Variants in RAF1 observed in about 807,000 individuals in gnomAD.
The protein encoded by RAF1 is Raf-1 proto-oncogene, serine/threonine kinase.
A neutral mutation model predicts 81.1 loss-of-function variants in RAF1; 27 were observed. The observed-to-expected ratio is 0.33, with a 90% CI of 0.25 to 0.46. The LOEUF (loss-of-function observed/expected upper bound fraction) is 0.46. Among genes scored for constraint, RAF1 ranks in the 20% least tolerant of loss-of-function variants. RAF1 has a pLI of 1.00. For synonymous variants in RAF1, 298 were observed against 294.0 expected (o/e 1.01, Z -0.14); for missense variants, 598 against 826.0 (o/e 0.72, Z 3.38).
At chr3:12,636,903 T>A (rs904288914) in intron 1 of RAF1, among the ~76,000 whole-genome samples, 2 of 152,224 alleles carry the variant, frequency 1.3e-5, no homozygotes, top group Non-Finnish European at 2.9e-5. Context: ...GAGACTATAC[T>A]GAACACTTTT....
chr3:12,610,316 A>G (rs1263110183), intron 3 of RAF1, among the ~76,000 whole-genome samples: 3 of 152,228 alleles, frequency 2.0e-5, no homozygotes, highest in African/African-American at 7.2e-5. Flanking sequence ...ATTCCTTAAT[A>G]TAATTACCTA....
Position 12,657,509 on chromosome 3 carries a change from A to G in RAF1, c.-27+6304T>C, listed in dbSNP as rs147102881. On this transcript the variant is annotated intron_variant, in intron 1 of 17. Transcript: ENST00000442415. ...GCAGGGGCCAGGCGCAGTGGCTCAC[A>G]CCTGTAAATCCCAGCACTTTGGGAG... is the stretch of plus-strand genomic sequence containing the variant. 4.7e-3 allele frequency among the ~76,000 whole-genome samples: 718 copies of G among 152,278 alleles called. 8 individuals carry two copies. The highest frequency in any genetic ancestry group is 0.016 in the African/African-American group (666 of 41,566).
intron 1 of RAF1, among the ~76,000 whole-genome samples, chr3:12,663,189 C>A (rs1188288786): frequency 6.6e-6 from 1 of 152,174 alleles, no homozygotes; most frequent in Middle Eastern, 3.2e-3. Flanking sequence ...GCGGCTCTCG[C>A]GTCACACAAA....
intron 6 of RAF1, among the ~76,000 whole-genome samples, chr3:12,605,250 A>AAG (rs1553613999): frequency 1.4e-5 from 2 of 144,538 alleles, no homozygotes; most frequent in African/African-American, 5.2e-5. Flanking sequence ...ATTACACATT[A>AAG]TGTGTGTGTG....
At chr3:12,634,707 T>C (rs918735540) in intron 1 of RAF1, among the ~76,000 whole-genome samples, 2 of 151,364 alleles carry the variant, frequency 1.3e-5, no homozygotes, top group Admixed American at 1.3e-4. Flanking sequence ...GGGAGGAAAG[T>C]GGTTGGAGGA....
At chr3:12,651,092 T>A (rs1020508030) in intron 1 of RAF1, among the ~76,000 whole-genome samples, 1 of 152,234 alleles carries the variant, frequency 6.6e-6, no homozygotes, top group African/African-American at 2.4e-5. Flanking sequence ...TCACAATTAA[T>A]GTCTTTACAA....
intron 5 of RAF1, 87 bp from the exon 6 acceptor site, chr3:12,606,386 G>C (rs1293454067): frequency 1.1e-6 from 1 of 947,012 alleles, no homozygotes; most frequent in African/African-American, 1.6e-5. Flanking sequence ...CAAACTCAGA[G>C]CTACTAAAAC....
At chr3:12,600,899 T>C (rs919558645) in intron 8 of RAF1, among the ~76,000 whole-genome samples, 1 of 152,220 alleles carries the variant, frequency 6.6e-6, no homozygotes, top group Non-Finnish European at 1.5e-5. Flanking sequence ...AACCACATTC[T>C]TTTTCTCAAA....
At chr3:12,608,158 A>G (rs183531913) in intron 5 of RAF1, among the ~76,000 whole-genome samples, 1 of 152,266 alleles carries the variant, frequency 6.6e-6, no homozygotes, top group African/African-American at 2.4e-5. Context: ...AACTTTTCAT[A>G]TACCTAGTTA....
At chr3:12,598,725 CAAAAAAAAAAAAAAAA>C (rs59472802) in intron 11 of RAF1, among the ~76,000 whole-genome samples, 1 of 61,968 alleles carries the variant, frequency 1.6e-5, no homozygotes, top group African/African-American at 5.3e-5. Flanking sequence ...GAATCTATCT[CAAAAAAAAAAAAAAAA>C]AAAAAAAAAA....
At chr3:12,636,561 T>G (rs1364497856) in intron 1 of RAF1, among the ~76,000 whole-genome samples, 1 of 151,428 alleles carries the variant, frequency 6.6e-6, no homozygotes, top group Non-Finnish European at 1.5e-5. Context: ...ATCCCAGCAC[T>G]TTGGAAGGCT....
At chr3:12,628,247 G>A (rs1171994709) in intron 1 of RAF1, among the ~76,000 whole-genome samples, 1 of 152,220 alleles carries the variant, frequency 6.6e-6, no homozygotes, top group Non-Finnish European at 1.5e-5. Flanking sequence ...GATCACTTAG[G>A]CCCAGGAGTT....
chr3:12,608,506 C>G, intron 5 of RAF1: 1 of 514,720 alleles, frequency 1.9e-6, no homozygotes, highest in Non-Finnish European at 3.5e-6. Flanking sequence ...TGCTCCTTTC[C>G]TTACTGAATC....
At chr3:12,660,028 T>C (rs1289680020) in intron 1 of RAF1, among the ~76,000 whole-genome samples, 1 of 152,192 alleles carries the variant, frequency 6.6e-6, no homozygotes, top group Non-Finnish European at 1.5e-5. Context: ...AATTATATTT[T>C]TTATTTCGTA....
At chr3:12,619,926 C>A (rs1047137613) in intron 1 of RAF1, among the ~76,000 whole-genome samples, 1 of 150,734 alleles carries the variant, frequency 6.6e-6, no homozygotes, top group African/African-American at 2.4e-5. Flanking sequence ...ACTAAAAATA[C>A]AAAAAATTAG....
intron 8 of RAF1, among the ~76,000 whole-genome samples, chr3:12,601,242 G>T (rs2058853099): frequency 6.6e-6 from 1 of 152,200 alleles, no homozygotes; most frequent in Non-Finnish European, 1.5e-5. Flanking sequence ...GAGAGACTTG[G>T]CAGGGTCACT....
intron 8 of RAF1, among the ~76,000 whole-genome samples, chr3:12,602,293 A>T (rs937946818): frequency 6.6e-6 from 1 of 152,250 alleles, no homozygotes; most frequent in African/African-American, 2.4e-5. Context: ...ATGCTGACTT[A>T]TATGTGATTA....
At chr3:12,585,569 G>C in intron 15 of RAF1, 112 bp downstream of exon 14, 2 of 1,342,186 alleles carry the variant, frequency 1.5e-6, no homozygotes, top group Non-Finnish European at 2.1e-6. Flanking sequence ...GTCACTAGGG[G>C]TCATGTGGAT....
chr3:12,623,740 G>A (rs1289917410), intron 1 of RAF1, among the ~76,000 whole-genome samples: 6 of 147,060 alleles, frequency 4.1e-5, no homozygotes, highest in Non-Finnish European at 8.9e-5. Context: ...CTTGCAGTGA[G>A]CCGAGATCAT....
Sources: allele counts gnomAD v4.1 joint callset (sites outside exome capture counted in the v4.1 genomes callset), GRCh38; gene constraint gnomAD v4.1.1; transcripts MANE v1.5; gene names NCBI Gene and HGNC (gene_info 2026-07-23, HGNC 2026-07-21).